Variants in PTPRD observed in about 807,000 individuals in gnomAD.
PTPRD encodes protein tyrosine phosphatase receptor type D, also known as receptor-type tyrosine-protein phosphatase delta.
Under a neutral mutation model 214.5 loss-of-function variants are expected in PTPRD, and 34 were observed. That is an observed-to-expected ratio of 0.16 (90% CI 0.12 to 0.21). The LOEUF (loss-of-function observed/expected upper bound fraction) is 0.21, where lower values mean the gene tolerates loss of function less well. Ranked by LOEUF, PTPRD falls within the 10% of genes least tolerant of loss-of-function variation. The probability of loss-of-function intolerance (pLI) is 1.00; values close to 1 mark genes in which losing one functional copy is unlikely to be tolerated. For synonymous variants in PTPRD, 1,128 were observed against 845.7 expected (o/e 1.33, Z -5.79); for missense variants, 2,545 against 2,398.7 (o/e 1.06, Z -1.27).
intron 2 of PTPRD, among the ~76,000 whole-genome samples, chr9:10,523,601 G>GTATATATATATATATATATATA (rs201455705): frequency 0.12 from 7,819 of 62,880 alleles, 1,099 homozygotes; most frequent in Non-Finnish European, 0.15. Context: ...ATATTTATCT[G>GTATATATATATATATATATATA]TATATATATA....
At chr9:9,920,989 A>C (rs1336565901) in intron 5 of PTPRD, among the ~76,000 whole-genome samples, 2 of 152,156 alleles carry the variant, frequency 1.3e-5, no homozygotes. Context: ...ACTAAGGCTT[A>C]TCAATTCATT....
At chr9:10,090,958 ACATG>A (rs1469459914) in intron 3 of PTPRD, among the ~76,000 whole-genome samples, 1 of 127,878 alleles carries the variant, frequency 7.8e-6, no homozygotes, top group African/African-American at 3.4e-5. Context: ...ACACACACAC[ACATG>A]CATGTGGTAG....
intron 7 of PTPRD, among the ~76,000 whole-genome samples, chr9:9,586,969 T>C (rs1264600543): frequency 6.6e-6 from 1 of 151,996 alleles, no homozygotes; most frequent in Middle Eastern, 3.2e-3. Context: ...CTGGAGAGCA[T>C]AAGTCATCAC....
chr9:8,428,121 C>G (rs1174270401), intron 35 of PTPRD, among the ~76,000 whole-genome samples: 4 of 152,170 alleles, frequency 2.6e-5, no homozygotes, highest in Non-Finnish European at 5.9e-5. Flanking sequence ...AACTGGTGAC[C>G]TGAGCCAAGG....
In PTPRD at chr9:9,792,149, T is replaced by C. The variant is rs2098972446; in HGVS notation, c.-367-25298A>G. ...AAAAAAATCACATTACTCTTTATTTTTTTCACAGCTTTTCAGTGTGGCAGC... is the reference window on the plus strand; with the variant it reads ...AAAAAAATCACATTACTCTTTATTTCTTTCACAGCTTTTCAGTGTGGCAGC... On this transcript the variant is annotated intron_variant, in intron 5 of 45. Transcript: ENST00000381196. Among the ~76,000 whole-genome samples, 3 of 152,318 alleles carry C rather than the reference T, an allele frequency of 2.0e-5. No individual in the cohort carries two copies. In the South Asian group the frequency reaches 6.2e-4, roughly 32 times the overall value.
chr9:9,209,144 T>C (rs916697766), intron 9 of PTPRD, among the ~76,000 whole-genome samples: 3 of 151,884 alleles, frequency 2.0e-5, no homozygotes, highest in African/African-American at 7.3e-5. Context: ...CTCCCACCAA[T>C]GATGTAGTTT....
At chr9:8,613,139 GCT>G (rs2095506765) in intron 14 of PTPRD, among the ~76,000 whole-genome samples, 1 of 152,110 alleles carries the variant, frequency 6.6e-6, no homozygotes, top group Admixed American at 6.6e-5. Context: ...GGATGTCTTA[GCT>G]CTCCATTACT....
chr9:9,400,156 G>C (rs530904477), intron 8 of PTPRD, among the ~76,000 whole-genome samples: 6 of 142,240 alleles, frequency 4.2e-5, no homozygotes, highest in Non-Finnish European at 9.0e-5. Flanking sequence ...TGAGTTGTAA[G>C]TACCCATTGA....
chr9:8,445,837 T>TA (rs1009492817), intron 34 of PTPRD, among the ~76,000 whole-genome samples: 1 of 152,146 alleles, frequency 6.6e-6, no homozygotes, highest in African/African-American at 2.4e-5. Flanking sequence ...ATCTTAATGC[T>TA]AAAAAAGACC....
At chr9:10,558,521 G>A (rs2063130421) in intron 2 of PTPRD, among the ~76,000 whole-genome samples, 1 of 152,044 alleles carries the variant, frequency 6.6e-6, no homozygotes, top group South Asian at 2.1e-4. Context: ...TGAGAACACA[G>A]TAGGTGCAGC....
At chr9:10,453,497 T>C (rs1045165203) in intron 2 of PTPRD, among the ~76,000 whole-genome samples, 4 of 151,704 alleles carry the variant, frequency 2.6e-5, no homozygotes, top group African/African-American at 4.8e-5. Flanking sequence ...CAATGTTTTA[T>C]AGTTTTCAGT....
At chr9:9,948,375 C>T (rs528564050) in intron 4 of PTPRD, among the ~76,000 whole-genome samples, 2 of 152,150 alleles carry the variant, frequency 1.3e-5, no homozygotes, top group South Asian at 4.2e-4. Context: ...CCACTCTTCT[C>T]CCAAAATTTG....
intron 3 of PTPRD, among the ~76,000 whole-genome samples, chr9:10,126,237 T>C (rs1563978334): frequency 1.3e-5 from 2 of 152,122 alleles, no homozygotes; most frequent in African/African-American, 2.4e-5. Context: ...CTCTACTTGC[T>C]TTACAATTAC....
chr9:9,244,394 A>G (rs182329374), intron 9 of PTPRD, among the ~76,000 whole-genome samples: 1,831 of 152,234 alleles, frequency 0.012, 45 homozygotes, highest in African/African-American at 0.041. Flanking sequence ...CTATGCTACA[A>G]GTCTACAGTA....
At chr9:10,423,275 G>T (rs2098566648) in intron 2 of PTPRD, among the ~76,000 whole-genome samples, 2 of 151,824 alleles carry the variant, frequency 1.3e-5, no homozygotes, top group Non-Finnish European at 1.5e-5. Context: ...TGGACACAGG[G>T]TGGGGAACAT....
intron 9 of PTPRD, among the ~76,000 whole-genome samples, chr9:9,270,162 A>G (rs1942238346): frequency 6.6e-6 from 1 of 151,190 alleles, no homozygotes; most frequent in African/African-American, 2.4e-5. Flanking sequence ...TTCACAAATT[A>G]TACGTAAAAC....
At chr9:10,208,482 C>CT (rs1481969677) in intron 3 of PTPRD, among the ~76,000 whole-genome samples, 7 of 152,180 alleles carry the variant, frequency 4.6e-5, no homozygotes, top group Non-Finnish European at 7.4e-5. Context: ...CCACTGCACT[C>CT]CAGCCTGGGC....
At chr9:10,088,402 A>G (rs1339791859) in intron 3 of PTPRD, among the ~76,000 whole-genome samples, 2 of 151,804 alleles carry the variant, frequency 1.3e-5, no homozygotes. Context: ...CCAAGTACAC[A>G]TCTTCTGACT....
chr9:10,195,105 T>C (rs1470736831), intron 3 of PTPRD, among the ~76,000 whole-genome samples: 1 of 146,600 alleles, frequency 6.8e-6, no homozygotes, highest in Non-Finnish European at 1.5e-5. Flanking sequence ...GCTATTTTTT[T>C]TTTTTTTTTT....
Sources: allele counts gnomAD v4.1 joint callset (sites outside exome capture counted in the v4.1 genomes callset), GRCh38; gene constraint gnomAD v4.1.1; transcripts MANE v1.5; gene names NCBI Gene and HGNC (gene_info 2026-07-23, HGNC 2026-07-21).